The following TLL1 variants were observed in gnomAD, a reference collection of about 807,000 sequenced individuals.
TLL1 encodes the protein tolloid-like protein 1.
TLL1 carries 49 observed loss-of-function variants against 128.2 expected under a neutral mutation model. The ratio of observed to expected loss-of-function variants is 0.38; its 90% CI spans 0.30 to 0.48. The LOEUF is 0.48. Among genes scored for constraint, TLL1 ranks in the 20% least tolerant of loss-of-function variants. The pLI, the probability that TLL1 is intolerant of heterozygous loss-of-function variation, is 0.96. For synonymous variants in TLL1, 454 were observed against 418.8 expected (o/e 1.08, Z -1.03); for missense variants, 1,123 against 1,242.0 (o/e 0.90, Z 1.44).
chr4:166,036,887 G>T (rs1739029100), intron 9 of TLL1, among the ~76,000 whole-genome samples: 1 of 151,142 alleles, frequency 6.6e-6, no homozygotes, highest in Non-Finnish European at 1.5e-5. Context: ...TTTTAATTTT[G>T]GATGAAATTG....
chr4:165,876,415 TA>T (rs1730725561), intron 1 of TLL1, among the ~76,000 whole-genome samples: 1 of 151,916 alleles, frequency 6.6e-6, no homozygotes, highest in African/African-American at 2.4e-5. Flanking sequence ...AAAGAGAAGG[TA>T]CTTTCCAGAC....
chr4:165,947,079 C>T (rs900265217), intron 1 of TLL1, among the ~76,000 whole-genome samples: 7 of 152,050 alleles, frequency 4.6e-5, no homozygotes, highest in African/African-American at 9.7e-5. Context: ...CAAATTTATT[C>T]TTCACAGTTC....
At chr4:166,079,098 A>T (rs1230353602) in intron 18 of TLL1, among the ~76,000 whole-genome samples, 9 of 152,168 alleles carry the variant, frequency 5.9e-5, no homozygotes, top group Non-Finnish European at 1.3e-4. Context: ...CACACTGTTG[A>T]AGGATACTAA....
chr4:165,950,864 GA>G (rs1012434012), intron 1 of TLL1, among the ~76,000 whole-genome samples: 4 of 152,014 alleles, frequency 2.6e-5, no homozygotes, highest in African/African-American at 9.6e-5. Context: ...AAAAAGAACA[GA>G]AAACCTAAAG....
intron 20 of TLL1, 32 bp downstream of exon 20, chr4:166,099,559 A>G (rs1742193803): frequency 1.6e-5 from 26 of 1,609,678 alleles, no homozygotes; most frequent in Non-Finnish European, 2.2e-5. Context: ...TACCCTAGAC[A>G]TGATTAAAGA....
chr4:166,065,918 A>G, intron 16 of TLL1, 55 bp downstream of exon 16: 1 of 1,232,176 alleles, frequency 8.1e-7, no homozygotes, highest in Non-Finnish European at 1.0e-6. Context: ...TGTGGGTTGG[A>G]TTAAATTGTA....
Position 165,873,297 on chromosome 4 carries a change from CT to C in TLL1, c.-606del, listed in dbSNP as rs1730571789. 6.5e-6 allele frequency: 1 copy of C among 152,808 alleles called. No homozygotes were observed. The allele number at this position is 152,808 out of a possible 1,614,324, so 9.5% of individuals were successfully genotyped here. A position where few individuals can be genotyped will look rare whatever the true frequency, so the allele number is the denominator to read the frequency against. ...CTCTTGCAGTCAGTTGCTTTGCTGG[CT>C]TCTGCAGGCTTTTAAGGTCTCGCGG... On this transcript the variant is annotated 5_prime_UTR_variant, in exon 1 of 21. Transcript: ENST00000061240.
At chr4:165,972,655 G>A (rs1257395949) in intron 1 of TLL1, among the ~76,000 whole-genome samples, 1 of 152,040 alleles carries the variant, frequency 6.6e-6, no homozygotes, top group Non-Finnish European at 1.5e-5. Flanking sequence ...AACTCTCTAA[G>A]GGTCAGTGTT....
intron 1 of TLL1, among the ~76,000 whole-genome samples, chr4:165,941,733 A>G (rs1393851): frequency 0.95 from 144,737 of 152,140 alleles, 68,912 homozygotes; most frequent in East Asian, 1. Flanking sequence ...ATACAAGGAC[A>G]AAATCCTATA....
intron 1 of TLL1, among the ~76,000 whole-genome samples, chr4:165,923,421 CTT>C (rs758162016): frequency 1.1e-4 from 8 of 70,840 alleles, no homozygotes; most frequent in South Asian, 9.2e-4. Flanking sequence ...ATAGGTATAC[CTT>C]TTTTTTTTTT....
chr4:165,890,675 C>T (rs74520496), intron 1 of TLL1, among the ~76,000 whole-genome samples: 1,801 of 152,326 alleles, frequency 0.012, 33 homozygotes, highest in African/African-American at 0.04. Context: ...GCAGCTCTGC[C>T]TCTATGGCTT....
intron 1 of TLL1, among the ~76,000 whole-genome samples, chr4:165,934,009 T>C (rs1481202332): frequency 1.3e-5 from 2 of 152,008 alleles, no homozygotes; most frequent in African/African-American, 4.8e-5. Flanking sequence ...CTCTCTTTCT[T>C]TTTTTTGAGA....
At position 166,098,678 on chromosome 4, in the gene TLL1, G is replaced by A. The variant is rs114938338; in HGVS notation, c.2657-599G>A. On this transcript the variant is annotated intron_variant, in intron 19 of 20. Transcript: ENST00000061240. ...ATCAAGTGAGATAAATATTTCTATC[G>A]AAGTAAAATACTACTATTGTATATA... Among the ~76,000 whole-genome samples, 1,002 of 151,972 alleles carry A rather than the reference G, an allele frequency of 6.6e-3. 16 individuals are homozygous for A. Among genetic ancestry groups the A allele is most frequent in the African/African-American group, 0.023 (962 of 41,468 alleles).
intron 7 of TLL1, among the ~76,000 whole-genome samples, chr4:166,008,978 A>T (rs138791377): frequency 0.036 from 5,397 of 151,580 alleles, 117 homozygotes; most frequent in Middle Eastern, 0.058. Flanking sequence ...CACATTTATT[A>T]ATTACCCATT....
At chr4:166,025,239 C>T (rs879231484) in intron 8 of TLL1, 77 bp from the exon 9 acceptor site, 1 of 1,066,424 alleles carries the variant, frequency 9.4e-7, no homozygotes, top group Non-Finnish European at 1.5e-6. Context: ...CCAAAAAAAC[C>T]CTTCATGGCT....
At chr4:166,006,317 T>A (rs190003569) in intron 6 of TLL1, among the ~76,000 whole-genome samples, 728 of 151,942 alleles carry the variant, frequency 4.8e-3, no homozygotes, top group Middle Eastern at 0.014. Flanking sequence ...ATAAGTCTAC[T>A]TTTCTGTTAT....
At chr4:166,059,893 C>T in intron 14 of TLL1, 135 bp from the exon 15 acceptor site, 2 of 1,044,114 alleles carry the variant, frequency 1.9e-6, no homozygotes, top group Admixed American at 3.7e-5. Flanking sequence ...GCAGAGACTG[C>T]CATTTCTGGA....
chr4:165,933,992 G>A (rs928744034), intron 1 of TLL1, among the ~76,000 whole-genome samples: 6 of 151,684 alleles, frequency 4.0e-5, no homozygotes, highest in African/African-American at 7.3e-5. Flanking sequence ...CACTGGTGAC[G>A]TTCATCCTCT....
chr4:165,958,727 T>G lies in TLL1; in HGVS notation c.170-30654T>G, dbSNP rs1487663030. On this transcript the variant is annotated intron_variant, in intron 1 of 20. Coordinates refer to ENST00000061240, the MANE Select transcript of TLL1 (RefSeq NM_012464.5). ...GCTCTTTAGTTTAATTAGATCCCAT[T>G]TGTCAATTTTGTCTTTTGTTGCCAT... Among the ~76,000 whole-genome samples the G allele has an allele frequency of 1.2e-4, 18 of 144,688 alleles. No individual in the cohort carries two copies. The East Asian group carries it at 3.5e-3, about 28-fold the overall frequency. The allele number at this position is 144,688 out of a possible 152,430, so 94.9% of individuals were successfully genotyped here.
Sources: gnomAD v4.1 joint callset for allele counts (sites outside exome capture counted in the v4.1 genomes callset) on GRCh38, gnomAD v4.1.1 for gene constraint, MANE v1.5 for transcripts, NCBI Gene and HGNC (gene_info 2026-07-23, HGNC 2026-07-21) for gene names.